CCNB2: variants seen among roughly 807,000 people sequenced by gnomAD.
CCNB2 encodes the protein cyclin B2.
Under a neutral mutation model 51.1 loss-of-function variants are expected in CCNB2, and 39 were observed. That is an observed-to-expected ratio of 0.76 (90% confidence interval 0.59 to 1.00). The LOEUF (loss-of-function observed/expected upper bound fraction) is 1.00, where lower values mean the gene tolerates loss of function less well. CCNB2 is among the 50% of genes least tolerant of loss of function. CCNB2 has a pLI of 0.00. For missense variants in CCNB2, 472 were observed against 470.3 expected, an observed-to-expected ratio of 1.00 and a Z score of -0.03; for synonymous variants, 174 against 165.5, an observed-to-expected ratio of 1.05 and a Z score of -0.40.
chr15:59,108,344 G>C (rs1417682732), intron 3 of CCNB2, among the ~76,000 whole-genome samples: 1 of 152,196 alleles, frequency 6.6e-6, no homozygotes, highest in Non-Finnish European at 1.5e-5. Flanking sequence ...CATTAGGCTT[G>C]AGGAAACAAA....
chr15:59,119,608 T>G (rs1477316564), intron 7 of CCNB2, among the ~76,000 whole-genome samples: 1 of 152,236 alleles, frequency 6.6e-6, no homozygotes, highest in African/African-American at 2.4e-5. Context: ...AATCTGTTAT[T>G]ATAATTTTGG....
intron 8 of CCNB2, chr15:59,123,840 G>T: frequency 2.1e-6 from 1 of 485,896 alleles, no homozygotes; most frequent in African/African-American, 1.9e-5. Context: ...TTGAAACAAG[G>T]TCGATAGGCT....
rs2079282385 is a variant in CCNB2, at chr15:59,117,109, G to C, written c.835-119G>C. On this transcript the variant is annotated intron_variant, in intron 6 of 8. Transcript: ENST00000288207. ...TGTTTACAACATAGTGTGGAATAGAGTAATTCTTGAGAAGGATAAGTGAGT... is the reference window on the plus strand; with the variant it reads ...TGTTTACAACATAGTGTGGAATAGACTAATTCTTGAGAAGGATAAGTGAGT... 5.4e-6 allele frequency: 6 copies of C among 1,105,080 alleles called. No individual in the cohort carries two copies. The South Asian group carries it at 8.5e-5, about 16-fold the overall frequency. The allele number at this position is 1,105,080 out of a possible 1,614,324, so 68.5% of individuals were successfully genotyped here. A position where few individuals can be genotyped will look rare whatever the true frequency, so the allele number is the denominator to read the frequency against.
In CCNB2 at chr15:59,123,531, G is replaced by GT; in HGVS notation, c.991dup (p.Tyr331LeufsTer9). On this transcript the variant is annotated frameshift_variant, in exon 8 of 9. Coordinates refer to ENST00000288207, the MANE Select transcript of CCNB2 (RefSeq NM_004701.4). LOFTEE classifies it high-confidence loss of function. The stretch of plus-strand genomic sequence containing the variant: ...TTGTGTTTCAGAACTTAAAGCAGCA[G>GT]TATTACACAGGATACACAGAGAATG... The GT allele has an allele frequency of 6.2e-7, 1 of 1,610,142 alleles. No individual in the cohort carries two copies.
intron 3 of CCNB2, among the ~76,000 whole-genome samples, chr15:59,108,442 C>A (rs1418403287): frequency 6.6e-6 from 1 of 152,180 alleles, no homozygotes; most frequent in Non-Finnish European, 1.5e-5. Context: ...TGATGAGGGT[C>A]TGGAGCTAGC....
intron 8 of CCNB2, 113 bp from the exon 9 acceptor site, chr15:59,124,654 C>T: frequency 1.3e-6 from 1 of 767,616 alleles, no homozygotes; most frequent in South Asian, 1.5e-5. Flanking sequence ...GATTGGGCAT[C>T]ATCAATGTGA....
chr15:59,105,194 G>C lies in CCNB2; in HGVS notation c.-75G>C. ...CGGAGAGCAGTCCTAACGGCGCCTC[G>C]TACGCTAGTGTCCTCCCTTTTCAGT... On this transcript the variant is annotated 5_prime_UTR_variant, in exon 1 of 9. Transcript: ENST00000288207. 7.0e-7 allele frequency: 1 copy of C among 1,431,130 alleles called. No homozygotes were observed. The highest frequency in any genetic ancestry group is 9.6e-7 in the Non-Finnish European group (1 of 1,045,602). 88.7% of individuals were successfully genotyped at this position (1,431,130 alleles called of 1,614,324 possible).
chr15:59,105,572 G>C (rs1161840733), intron 1 of CCNB2, among the ~76,000 whole-genome samples: 1 of 152,198 alleles, frequency 6.6e-6, no homozygotes, highest in Admixed American at 6.5e-5. Context: ...AGCCCCCAGA[G>C]CACTAGGCCT....
At position 59,109,500 on chromosome 15, in the gene CCNB2, T is replaced by C. The variant is rs28383511; in HGVS notation, c.267+1830T>C. Among the ~76,000 whole-genome samples, 1,084 of 152,310 alleles carry C rather than the reference T, an allele frequency of 7.1e-3. 12 individuals are homozygous for C. The highest frequency in any genetic ancestry group is 0.025 in the African/African-American group (1,033 of 41,554). ...AGGAAATACTATGCAGCCATAAATA[T>C]CATGTTTTAGTAGAATATTTAAAGG... On this transcript the variant is annotated intron_variant, in intron 3 of 8. Coordinates refer to ENST00000288207, the MANE Select transcript of CCNB2 (RefSeq NM_004701.4).
intron 1 of CCNB2, 49 bp downstream of exon 1, chr15:59,105,341 A>T (rs2079231074): frequency 6.5e-7 from 1 of 1,534,612 alleles, no homozygotes; most frequent in Admixed American, 2.0e-5. Flanking sequence ...TCGGCCCCAC[A>T]GCTCCCCTGT....
intron 5 of CCNB2, 84 bp downstream of exon 5, chr15:59,114,960 C>G: frequency 7.3e-6 from 10 of 1,377,916 alleles, no homozygotes; most frequent in Non-Finnish European, 7.9e-6. Flanking sequence ...AAAGTGGGTA[C>G]TTCTGAAAAA....
At chr15:59,116,017 C>G (rs1018289643) in intron 5 of CCNB2, 6 of 152,114 alleles carry the variant, frequency 3.9e-5, no homozygotes, top group African/African-American at 1.5e-4. Flanking sequence ...TAGGCATGAG[C>G]CACTGTGCCC....
At chr15:59,108,707 C>G (rs184784675) in intron 3 of CCNB2, among the ~76,000 whole-genome samples, 3 of 152,312 alleles carry the variant, frequency 2.0e-5, no homozygotes, top group Admixed American at 2.0e-4. Flanking sequence ...TCCTGTTTGG[C>G]TTCCGATTTG....
Position 59,124,831 on chromosome 15 carries a change from CA to C in CCNB2, c.1155del (p.Ala386ProfsTer9). The C allele has an allele frequency of 6.2e-7, 1 of 1,609,042 alleles. No individual in the cohort carries two copies. Among genetic ancestry groups the C allele is most frequent in the Non-Finnish European group, 8.5e-7 (1 of 1,177,702 alleles). ...ATCAGCATGATCCCTCAGCTGAACTCAAAAGCCGTCAAAGACCTTGCCTCCC... is the reference window on the plus strand; with the variant it reads ...ATCAGCATGATCCCTCAGCTGAACTCAAAGCCGTCAAAGACCTTGCCTCCC... ...LKISMIPQLN[S>X]KAVKDLASPL... On this transcript the variant is annotated frameshift_variant, in exon 9 of 9. Transcript: ENST00000288207. LOFTEE classifies it high-confidence loss of function.
At chr15:59,124,521 A>C in intron 8 of CCNB2, 1 of 489,156 alleles carries the variant, frequency 2.0e-6, no homozygotes, top group Non-Finnish European at 3.6e-6. Flanking sequence ...GAAGCCTGCT[A>C]CTTGGACCTT....
intron 1 of CCNB2, among the ~76,000 whole-genome samples, chr15:59,106,171 C>T (rs1430795867): frequency 4.6e-5 from 7 of 152,158 alleles, no homozygotes; most frequent in Admixed American, 3.9e-4. Context: ...AGTCACATTA[C>T]CAGGCTTCTA....
At chr15:59,117,456 C>A in intron 7 of CCNB2, 88 bp downstream of exon 7, 1 of 1,346,746 alleles carries the variant, frequency 7.4e-7, no homozygotes, top group Non-Finnish European at 1.0e-6. Context: ...CAACACTATC[C>A]TTGAAGCAGT....
chr15:59,115,100 G>A (rs1248738864), intron 5 of CCNB2, among the ~76,000 whole-genome samples: 2 of 152,212 alleles, frequency 1.3e-5, no homozygotes, highest in Non-Finnish European at 2.9e-5. Context: ...CAGCTAAAAA[G>A]TACTTGGGGG....
intron 7 of CCNB2, among the ~76,000 whole-genome samples, chr15:59,117,675 T>G (rs1016071589): frequency 3.9e-5 from 6 of 152,202 alleles, no homozygotes; most frequent in Non-Finnish European, 8.8e-5. Context: ...TTTTGCCATG[T>G]TGTCTAGGCT....
Sources: gnomAD v4.1 joint callset for allele counts (sites outside exome capture counted in the v4.1 genomes callset) on GRCh38, gnomAD v4.1.1 for gene constraint, MANE v1.5 for transcripts, NCBI Gene and HGNC (gene_info 2026-07-23, HGNC 2026-07-21) for gene names.